The following SYN2 variants were observed in gnomAD, a reference collection of about 807,000 sequenced individuals.
SYN2 encodes the protein synapsin-2.
SYN2 carries 19 observed loss-of-function variants against 50.9 expected under a neutral mutation model. That is an observed-to-expected ratio of 0.37 (90% CI 0.26 to 0.55). SYN2 has a LOEUF of 0.55. SYN2 is among the 20% of genes least tolerant of loss of function. SYN2 has a pLI of 0.81. For missense variants in SYN2, 587 were observed against 576.4 expected, an observed-to-expected ratio of 1.02 and a Z score of -0.19; for synonymous variants, 255 against 224.9, an observed-to-expected ratio of 1.13 and a Z score of -1.20.
At chr3:12,183,272 T>A (rs374465133) in intron 10 of SYN2, 40 bp from the exon 11 acceptor site, 41 of 1,583,270 alleles carry the variant, frequency 2.6e-5, no homozygotes, top group Non-Finnish European at 3.5e-5. Context: ...ATTCAGTGGC[T>A]TGGAGTTTTG....
At chr3:12,173,595 A>G (rs1192272613) in intron 10 of SYN2, among the ~76,000 whole-genome samples, 1 of 152,120 alleles carries the variant, frequency 6.6e-6, no homozygotes, top group Non-Finnish European at 1.5e-5. Flanking sequence ...CGCTCCAACC[A>G]TCCCACTGAA....
chr3:12,125,356 G>A (rs922833393), intron 1 of SYN2, among the ~76,000 whole-genome samples: 2 of 152,126 alleles, frequency 1.3e-5, no homozygotes, highest in South Asian at 2.1e-4. Context: ...ATAAAGTGAC[G>A]GAACAAATTT....
At chr3:12,033,255 C>A (rs539652014) in intron 1 of SYN2, among the ~76,000 whole-genome samples, 3 of 152,116 alleles carry the variant, frequency 2.0e-5, no homozygotes, top group African/African-American at 4.8e-5. Context: ...TCTCCAGCTG[C>A]GTGCTGGGAG....
intron 1 of SYN2, among the ~76,000 whole-genome samples, chr3:12,011,360 G>C (rs957140844): frequency 1.3e-5 from 2 of 152,158 alleles, no homozygotes; most frequent in East Asian, 1.9e-4. Context: ...GATCTAGAAG[G>C]CTTTTCTGTT....
chr3:12,036,530 C>T (rs867005685), intron 1 of SYN2, among the ~76,000 whole-genome samples: 1 of 152,130 alleles, frequency 6.6e-6, no homozygotes, highest in Non-Finnish European at 1.5e-5. Flanking sequence ...TACTGGCATG[C>T]AGGGAGCAGT....
intron 1 of SYN2, among the ~76,000 whole-genome samples, chr3:12,081,723 C>G (rs1174619163): frequency 6.6e-6 from 1 of 152,164 alleles, no homozygotes; most frequent in Non-Finnish European, 1.5e-5. Context: ...CATATGCCCC[C>G]TCTTCCACCA....
chr3:12,050,711 CTTTTTTTTTTTTTTTTTTTTTTTT>C (rs57099569), intron 1 of SYN2, among the ~76,000 whole-genome samples: 4 of 50,528 alleles, frequency 7.9e-5, no homozygotes, highest in Non-Finnish European at 1.9e-4. Context: ...CTTCTCTTCT[CTTTTTTTTTTTTTTTTTTTTTTTT>C]TTTTTTTTTT....
At chr3:12,080,360 G>T (rs1319060920) in intron 1 of SYN2, among the ~76,000 whole-genome samples, 1 of 151,226 alleles carries the variant, frequency 6.6e-6, no homozygotes, top group African/African-American at 2.4e-5. Flanking sequence ...GGGTTTGTTT[G>T]CTCTTGGTTC....
intron 2 of SYN2, among the ~76,000 whole-genome samples, chr3:12,141,059 A>G (rs1023922820): frequency 2.6e-5 from 4 of 152,146 alleles, no homozygotes; most frequent in African/African-American, 7.2e-5. Flanking sequence ...TGGTGGCAAG[A>G]TATTTCTCGG....
At chr3:12,063,530 G>A (rs369601962) in intron 1 of SYN2, among the ~76,000 whole-genome samples, 2 of 151,944 alleles carry the variant, frequency 1.3e-5, no homozygotes, top group Admixed American at 6.6e-5. Context: ...TCTCACTGTC[G>A]GAGTGGAAGT....
intron 1 of SYN2, chr3:12,070,186 C>G (rs1477251000): frequency 2.8e-6 from 1 of 356,734 alleles, no homozygotes; most frequent in Non-Finnish European, 5.6e-6. Flanking sequence ...GCACCATGTC[C>G]TCCTACTGCT....
chr3:12,041,387 T>C (rs1694606024), intron 1 of SYN2, among the ~76,000 whole-genome samples: 1 of 152,176 alleles, frequency 6.6e-6, no homozygotes, highest in South Asian at 2.1e-4. Context: ...GATTTTTACA[T>C]TGGAATAGAG....
rs1697279147 is a variant in SYN2 at position 12,151,218 on chromosome 3, A to G, written c.685-19A>G. 1.3e-6 allele frequency: 2 copies of G among 1,577,034 alleles called. No homozygotes were observed. Among genetic ancestry groups the G allele is most frequent in the South Asian group, 1.1e-5 (1 of 88,054 alleles). On this transcript the variant is annotated intron_variant, in intron 4 of 12. Coordinates refer to ENST00000621198, the MANE Select transcript of SYN2 (RefSeq NM_133625.6). ...GAAGTTATCTAAGATAAGCTGTAAC[A>G]TTTGCTTTTCTTTTGCAGTTTGCCC...
At chr3:12,054,665 A>AC (rs1292124667) in intron 1 of SYN2, among the ~76,000 whole-genome samples, 1 of 84,262 alleles carries the variant, frequency 1.2e-5, no homozygotes, top group Non-Finnish European at 2.3e-5. Flanking sequence ...GCATCCTGGG[A>AC]CTTTTTTTTT....
At chr3:12,014,271 G>C (rs538456912) in intron 1 of SYN2, among the ~76,000 whole-genome samples, 1 of 152,306 alleles carries the variant, frequency 6.6e-6, no homozygotes, top group Admixed American at 6.5e-5. Flanking sequence ...ATTGAATTGA[G>C]CAGCAAGAGA....
chr3:12,156,875 A>G, intron 5 of SYN2: 2 of 1,614,244 alleles, frequency 1.2e-6, no homozygotes, highest in Non-Finnish European at 1.7e-6. Context: ...CACAGAGGGA[A>G]GAGTCAAAAG....
chr3:12,037,742 A>C (rs1440134345), intron 1 of SYN2, among the ~76,000 whole-genome samples: 1 of 152,218 alleles, frequency 6.6e-6, no homozygotes, highest in African/African-American at 2.4e-5. Flanking sequence ...CCCACCTCAT[A>C]ACACTGTTGC....
At chr3:12,016,342 A>G (rs769433900) in intron 1 of SYN2, among the ~76,000 whole-genome samples, 5 of 152,238 alleles carry the variant, frequency 3.3e-5, no homozygotes, top group African/African-American at 9.6e-5. Flanking sequence ...CATGAAGGCT[A>G]CGAAACCAGT....
chr3:12,083,746 T>C (rs1413471500), intron 1 of SYN2, among the ~76,000 whole-genome samples: 1 of 152,190 alleles, frequency 6.6e-6, no homozygotes, highest in African/African-American at 2.4e-5. Flanking sequence ...GTGAGAATGA[T>C]GGAGCCTAAC....
Sources: allele counts gnomAD v4.1 joint callset (sites outside exome capture counted in the v4.1 genomes callset), GRCh38; gene constraint gnomAD v4.1.1; transcripts MANE v1.5; gene names NCBI Gene and HGNC (gene_info 2026-07-23, HGNC 2026-07-21).